The following USP13 variants were observed in gnomAD, a reference collection of about 807,000 sequenced individuals.
USP13 encodes ubiquitin specific peptidase 13.
Under a neutral mutation model 107.8 loss-of-function variants are expected in USP13, and 68 were observed. The observed-to-expected ratio is 0.63, with a 90% CI of 0.52 to 0.77. USP13 has a LOEUF of 0.77. Among genes scored for constraint, USP13 ranks in the 30% least tolerant of loss-of-function variants. USP13 has a pLI of 0.00. For synonymous variants in USP13, 377 were observed against 389.5 expected (o/e 0.97, Z 0.38); for missense variants, 945 against 1,093.3 (o/e 0.86, Z 1.91).
chr3:179,768,007 C>G (rs1715232308), intron 19 of USP13, among the ~76,000 whole-genome samples: 2 of 152,156 alleles, frequency 1.3e-5, no homozygotes, highest in Admixed American at 6.5e-5. Context: ...TTTCCATACT[C>G]ATTTAAAGTA....
Position 179,763,920 on chromosome 3 carries a change from A to T in USP13, c.2093-82A>T, listed in dbSNP as rs1331286412. Reference sequence around the variant, plus strand: ...TTGATTATTATAACTTTGTAGAATCATGTTTTTCCTTGTTAGTGTTGTTTC... The same window carrying T: ...TTGATTATTATAACTTTGTAGAATCTTGTTTTTCCTTGTTAGTGTTGTTTC... On this transcript the variant is annotated intron_variant, in intron 17 of 20. Coordinates refer to ENST00000263966, the MANE Select transcript of USP13 (RefSeq NM_003940.3). The T allele has an allele frequency of 9.0e-6, 13 of 1,444,824 alleles. No homozygotes were observed. The South Asian group carries it at 1.9e-4, about 21-fold the overall frequency. The allele number at this position is 1,444,824 out of a possible 1,614,324, so 89.5% of individuals were successfully genotyped here.
At chr3:179,779,196 T>C (rs1437535477) in intron 19 of USP13, among the ~76,000 whole-genome samples, 1 of 151,432 alleles carries the variant, frequency 6.6e-6, no homozygotes, top group Non-Finnish European at 1.5e-5. Flanking sequence ...CTGGAGGGTT[T>C]TGGGGGCCGA....
chr3:179,653,576 T>C lies in USP13; in HGVS notation c.168+183T>C. On this transcript the variant is annotated intron_variant, in intron 1 of 20. Transcript: ENST00000263966. This position sits in a 1 kb window ranked among gnomAD's most constrained non-coding sequence, Gnocchi z 4.0. ...CCCCAGGGCTGCTGCAGCCGAGGAC[T>C]GGCTCGTGCTGGTGGTTTTGCTCCG... 3.6e-6 allele frequency: 3 copies of C among 827,170 alleles called. No individual in the cohort carries two copies. In the South Asian group the frequency reaches 5.7e-5, roughly 16 times the overall value. 51.2% of individuals were successfully genotyped at this position (827,170 alleles called of 1,614,324 possible).
chr3:179,660,111 G>T (rs942677805), intron 1 of USP13, among the ~76,000 whole-genome samples: 2 of 152,084 alleles, frequency 1.3e-5, no homozygotes, highest in Non-Finnish European at 2.9e-5. Context: ...AATTACATTC[G>T]CATGGAAACA....
At chr3:179,722,565 C>T (rs968890854) in intron 8 of USP13, among the ~76,000 whole-genome samples, 1 of 152,000 alleles carries the variant, frequency 6.6e-6, no homozygotes, top group African/African-American at 2.4e-5. Flanking sequence ...GATACAGGTA[C>T]GCAATGTGTA....
At chr3:179,708,561 C>G (rs1213012254) in intron 5 of USP13, among the ~76,000 whole-genome samples, 1 of 152,130 alleles carries the variant, frequency 6.6e-6, no homozygotes, top group Non-Finnish European at 1.5e-5. Context: ...GTTGATGTGC[C>G]CGCCTCGGCC....
Position 179,730,689 on chromosome 3 carries a change from G to C in USP13, c.1234G>C (p.Val412Leu), listed in dbSNP as rs199512457. ...GGTGAAATCTGAACTCATTGAACAG[G>C]TGATGAAGGAGGAGCACAAGGTATG... ...PPVKSELIEQ[V>L]MKEEHKPQQN... is the part of the protein sequence containing the mutation. The change falls in exon 10 of 21, where the codon GTG becomes CTG. Residue 412 changes from valine to leucine, a missense_variant. Transcript: ENST00000263966. The C allele has an allele frequency of 3.1e-6, 5 of 1,614,092 alleles. No individual in the cohort carries two copies.
chr3:179,770,706 G>C (rs1715318297), intron 19 of USP13, among the ~76,000 whole-genome samples: 1 of 151,958 alleles, frequency 6.6e-6, no homozygotes, highest in Admixed American at 6.6e-5. Flanking sequence ...CCTGGTTCAA[G>C]CTATTCTCCT....
intron 19 of USP13, among the ~76,000 whole-genome samples, chr3:179,774,258 A>G (rs544914091): frequency 2.0e-5 from 3 of 152,134 alleles, no homozygotes; most frequent in African/African-American, 7.2e-5. Context: ...TTCATGAGGG[A>G]TCCACCTCCA....
intron 1 of USP13, among the ~76,000 whole-genome samples, chr3:179,664,992 G>A (rs994830447): frequency 6.6e-6 from 1 of 152,136 alleles, no homozygotes; most frequent in Non-Finnish European, 1.5e-5. Flanking sequence ...GGAGGCTGAG[G>A]CAGGAGAATC....
chr3:179,697,702 T>C (rs748345972), intron 3 of USP13, among the ~76,000 whole-genome samples: 21 of 152,124 alleles, frequency 1.4e-4, no homozygotes, highest in Non-Finnish European at 2.2e-4. Context: ...AGACATGATT[T>C]AGAGATGTGG....
At position 179,708,844 on chromosome 3, in the gene USP13, G is replaced by T; in HGVS notation, c.692G>T (p.Cys231Phe). 1 of 1,614,186 alleles carries T rather than the reference G, an allele frequency of 6.2e-7. No homozygotes were observed. The highest frequency in any genetic ancestry group is 1.1e-5 in the South Asian group (1 of 91,074). Reference sequence around the variant, plus strand: ...AATCTGACTGACGGCTCTGTCCTGTGTGGAAAGTGGTTCTTTGACAGCTCT... The same window carrying T: ...AATCTGACTGACGGCTCTGTCCTGTTTGGAAAGTGGTTCTTTGACAGCTCT... Reference protein sequence around the residue: ...WLNLTDGSVLCGKWFFDSSGG... With the variant: ...WLNLTDGSVLFGKWFFDSSGG... The change falls in exon 6 of 21, where the codon TGT becomes TTT. Residue 231 changes from cysteine to phenylalanine, a missense_variant. Physicochemically the swap from Cys to Phe is radical, Grantham distance 205. Transcript: ENST00000263966.
At position 179,730,323 on chromosome 3, in the gene USP13, G is replaced by T. The variant is rs148894826; in HGVS notation, c.1160+63G>T. 1.0e-4 allele frequency: 157 copies of T among 1,528,882 alleles called. No homozygotes were observed. In the East Asian group the frequency reaches 3.4e-3, roughly 33 times the overall value. The allele number at this position is 1,528,882 out of a possible 1,614,324, so 94.7% of individuals were successfully genotyped here. ...AGCATCCAATAAAATGTTCATAGTG[G>T]ATATCTCTGGGTTGCAAAATTAAAG... On this transcript the variant is annotated intron_variant, in intron 9 of 20. Coordinates refer to ENST00000263966, the MANE Select transcript of USP13 (RefSeq NM_003940.3).
At position 179,732,501 on chromosome 3, in the gene USP13, A is replaced by G. The variant is rs116859184; in HGVS notation, c.1254+1792A>G. On this transcript the variant is annotated intron_variant, in intron 10 of 20. Coordinates refer to ENST00000263966, the MANE Select transcript of USP13 (RefSeq NM_003940.3). ...TGGTTCTGCAAGGAGTTGTGTGACT[A>G]TGGGCAAGTCATGCCACCTTCCAAT... Among the ~76,000 whole-genome samples the G allele has an allele frequency of 7.7e-3, 1,164 of 152,104 alleles. 24 individuals are homozygous for G. The highest frequency in any genetic ancestry group is 0.053 in the Admixed American group (809 of 15,252).
chr3:179,747,324 C>G (rs1226302348), intron 13 of USP13, among the ~76,000 whole-genome samples: 1 of 152,168 alleles, frequency 6.6e-6, no homozygotes, highest in Non-Finnish European at 1.5e-5. Flanking sequence ...AAGACTGATT[C>G]CTCGAACATT....
At chr3:179,697,542 A>G (rs1430133792) in intron 3 of USP13, among the ~76,000 whole-genome samples, 2 of 152,010 alleles carry the variant, frequency 1.3e-5, no homozygotes, top group African/African-American at 4.8e-5. Context: ...CAGAGTTTAT[A>G]TTTATTTATT....
chr3:179,707,773 G>A (rs1712775607), intron 5 of USP13, among the ~76,000 whole-genome samples: 3 of 152,144 alleles, frequency 2.0e-5, no homozygotes, highest in Non-Finnish European at 2.9e-5. Context: ...AGGTGTTGGC[G>A]GATAGGCAGA....
At chr3:179,740,541 T>C (rs1235045480) in intron 11 of USP13, among the ~76,000 whole-genome samples, 169 bp downstream of exon 11, 2 of 152,196 alleles carry the variant, frequency 1.3e-5, no homozygotes, top group Non-Finnish European at 2.9e-5. Context: ...CTCAGCCAAC[T>C]TGATGTGACT....
intron 6 of USP13, among the ~76,000 whole-genome samples, chr3:179,710,535 C>T (rs1009272568): frequency 6.6e-5 from 10 of 152,194 alleles, no homozygotes. Flanking sequence ...GAAAGCAAGT[C>T]TATGTCTTAC....
Sources: allele counts gnomAD v4.1 joint callset (sites outside exome capture counted in the v4.1 genomes callset), GRCh38; gene constraint gnomAD v4.1.1; non-coding constraint Gnocchi (gnomAD v3.1); transcripts MANE v1.5; gene names NCBI Gene and HGNC (gene_info 2026-07-23, HGNC 2026-07-21).